The following PMS2 variants were observed in gnomAD, a reference collection of about 807,000 sequenced individuals.
PMS2 encodes the protein mismatch repair endonuclease PMS2.
Under a neutral mutation model 90.0 loss-of-function variants are expected in PMS2, and 69 were observed. The ratio of observed to expected loss-of-function variants is 0.77; its 90% CI spans 0.63 to 0.94. PMS2 has a LOEUF of 0.94. Ranked by LOEUF, PMS2 falls within the 40% of genes least tolerant of loss-of-function variation. PMS2 has a pLI of 0.00. For missense variants in PMS2, 966 were observed against 1,040.2 expected, an observed-to-expected ratio of 0.93 and a Z score of 0.98; for synonymous variants, 332 against 375.1, an observed-to-expected ratio of 0.89 and a Z score of 1.33.
chr7:5,991,233 A>C (rs1562648841), intron 9 of PMS2, among the ~76,000 whole-genome samples: 1 of 152,098 alleles, frequency 6.6e-6, no homozygotes, highest in Non-Finnish European at 1.5e-5. Context: ...GATAAAGAGC[A>C]GTATACAAAA....
intron 12 of PMS2, among the ~76,000 whole-genome samples, chr7:5,979,246 C>G (rs1342566737): frequency 1.4e-5 from 2 of 139,144 alleles, no homozygotes; most frequent in Non-Finnish European, 3.1e-5. Flanking sequence ...CAAAAATTAG[C>G]TGGAAGTGGT....
At chr7:5,989,457 G>C (rs1200996485) in intron 10 of PMS2, among the ~76,000 whole-genome samples, 2 of 151,806 alleles carry the variant, frequency 1.3e-5, no homozygotes, top group African/African-American at 4.8e-5. Flanking sequence ...TGACAAGGGA[G>C]TTAAAAATGC....
chr7:5,989,717 CA>C (rs1291948308), intron 10 of PMS2, 82 bp downstream of exon 10: 155 of 1,058,298 alleles, frequency 1.5e-4, no homozygotes, highest in Middle Eastern at 5.2e-4. Flanking sequence ...GTTTTCATGT[CA>C]AAAAAAAGTT....
At position 6,003,680 on chromosome 7, in the gene PMS2, A is replaced by ATTG. The variant is rs1469174607; in HGVS notation, c.353+7_353+9dup. On this transcript the variant is annotated intron_variant, in intron 4 of 14. Transcript: ENST00000265849. ...AGGGGTCAAGTGAGTGGATAAAAAT[A>ATTG]TTGTATCACCTCAGTGCACAAAGTG... 1 of 1,465,182 alleles carries ATTG rather than the reference A, an allele frequency of 6.8e-7. No individual in the cohort carries two copies. Among genetic ancestry groups the ATTG allele is most frequent in the Admixed American group, 1.7e-5 (1 of 59,822 alleles). 90.8% of individuals were successfully genotyped at this position (1,465,182 alleles called of 1,614,324 possible). A position where few individuals can be genotyped will look rare whatever the true frequency, so the allele number is the denominator to read the frequency against.
chr7:5,996,593 ATATAT>A (rs1562667547), intron 7 of PMS2, among the ~76,000 whole-genome samples: 11 of 75,216 alleles, frequency 1.5e-4, no homozygotes, highest in African/African-American at 9.7e-4. Context: ...AAAAAAAAAT[ATATAT>A]ATATATATAT....
intron 5 of PMS2, among the ~76,000 whole-genome samples, chr7:6,000,988 C>A (rs1330841489): frequency 6.6e-6 from 1 of 151,964 alleles, no homozygotes; most frequent in Non-Finnish European, 1.5e-5. Flanking sequence ...GAGAAGACTC[C>A]ATCTAAAAAA....
chr7:5,989,901 T>C lies in PMS2; in HGVS notation c.1043A>G (p.Glu348Gly). The C allele has an allele frequency of 6.2e-7, 1 of 1,612,168 alleles. No homozygotes were observed. Among genetic ancestry groups the C allele is most frequent in the Non-Finnish European group, 8.5e-7 (1 of 1,178,558 alleles). Residue 348 changes from glutamate (E) to glycine (G), a missense_variant, in exon 10 of 15, where the codon GAA becomes GGA. This residue lies in a region of PMS2 where 871 missense variants were observed against 802.4 expected (regional missense o/e 1.09). Transcript: ENST00000265849. ...CTTTAAAACTGCCAACAAAAGCTTT[T>C]CCTCTTGTAGCAAAATTTGCCTTTT... Reference protein sequence around the residue: ...PDKRQILLQEEKLLLAVLKTS... With the variant: ...PDKRQILLQEGKLLLAVLKTS...
chr7:5,990,656 G>A (rs62456178), intron 9 of PMS2, among the ~76,000 whole-genome samples: 52,889 of 151,976 alleles, frequency 0.35, 9,949 homozygotes, highest in Non-Finnish European at 0.42. Context: ...TACAGAAAAA[G>A]CCTTAAAATG....
intron 10 of PMS2, among the ~76,000 whole-genome samples, chr7:5,988,988 T>TG (rs1277947162): frequency 6.6e-6 from 1 of 152,012 alleles, no homozygotes; most frequent in African/African-American, 2.4e-5. Flanking sequence ...CCTGAGTAGC[T>TG]GGGACTACAG....
chr7:5,984,855 C>T (rs1782690642), intron 11 of PMS2, among the ~76,000 whole-genome samples: 1 of 151,732 alleles, frequency 6.6e-6, no homozygotes, highest in South Asian at 2.1e-4. Context: ...CGGTCCCATG[C>T]CACCATGCTC....
At chr7:6,008,071 C>A (rs1166058350) in intron 1 of PMS2, among the ~76,000 whole-genome samples, 4 of 152,064 alleles carry the variant, frequency 2.6e-5, no homozygotes, top group Non-Finnish European at 5.9e-5. Context: ...GTTGGCCAGG[C>A]TGGTCATGAA....
At chr7:5,976,013 G>C (rs1387459185) in intron 14 of PMS2, among the ~76,000 whole-genome samples, 1 of 143,580 alleles carries the variant, frequency 7.0e-6, no homozygotes, top group Admixed American at 7.0e-5. Context: ...GACCAAGGCG[G>C]GCAGATCATG....
At chr7:6,002,687 G>A (rs756577810) in intron 4 of PMS2, 51 bp from the exon 5 acceptor site, 13 of 1,355,882 alleles carry the variant, frequency 9.6e-6, no homozygotes, top group South Asian at 5.8e-5. Flanking sequence ...CCATGATGTT[G>A]GGCACTGACT....
At chr7:5,993,977 T>C (rs149280297) in intron 8 of PMS2, among the ~76,000 whole-genome samples, 12 of 152,108 alleles carry the variant, frequency 7.9e-5, no homozygotes, top group African/African-American at 1.7e-4. Flanking sequence ...TTTTAGTTTT[T>C]ACAATAATAA....
intron 8 of PMS2, among the ~76,000 whole-genome samples, chr7:5,993,370 C>CA (rs141290969): frequency 0.37 from 27,121 of 72,640 alleles, 5,447 homozygotes; most frequent in East Asian, 0.44. Flanking sequence ...GACTCCGTCT[C>CA]AAAAAAAAAA....
intron 13 of PMS2, 135 bp from the exon 14 acceptor site, chr7:5,977,892 A>C: frequency 7.3e-7 from 1 of 1,365,392 alleles, no homozygotes; most frequent in African/African-American, 1.4e-5. Context: ...GGCTGAGGCC[A>C]GCGGATCATG....
At chr7:5,982,291 C>T (rs35162816) in intron 12 of PMS2, among the ~76,000 whole-genome samples, 22,669 of 151,706 alleles carry the variant, frequency 0.15, 1,469 homozygotes, top group East Asian at 0.29. Flanking sequence ...CTGCAAACTC[C>T]GCCTCCCGGG....
At chr7:5,988,711 G>A (rs908929657) in intron 10 of PMS2, among the ~76,000 whole-genome samples, 7 of 152,176 alleles carry the variant, frequency 4.6e-5, no homozygotes, top group African/African-American at 9.7e-5. Context: ...ACTGTATAGC[G>A]AACGAATAAA....
chr7:6,000,365 C>A (rs1761487886), intron 5 of PMS2, among the ~76,000 whole-genome samples: 1 of 134,040 alleles, frequency 7.5e-6, no homozygotes, highest in African/African-American at 2.8e-5. Flanking sequence ...GAGAGCAAGA[C>A]CCTGTCTCAA....
Sources: gnomAD v4.1 joint callset for allele counts (sites outside exome capture counted in the v4.1 genomes callset) on GRCh38, gnomAD v4.1.1 for gene constraint, gnomAD v4.1.1 regional missense constraint, MANE v1.5 for transcripts, NCBI Gene and HGNC (gene_info 2026-07-23, HGNC 2026-07-21) for gene names.